ADGRL2: variants seen among roughly 807,000 people sequenced by gnomAD.
The protein encoded by ADGRL2 is calcium-independent alpha-latrotoxin receptor 2.
Under a neutral mutation model 157.4 loss-of-function variants are expected in ADGRL2, and 44 were observed. The observed-to-expected ratio is 0.28, with a 90% CI of 0.22 to 0.36. The LOEUF is 0.36. Ranked by LOEUF, ADGRL2 falls within the 10% of genes least tolerant of loss-of-function variation. The pLI, the probability that ADGRL2 is intolerant of heterozygous loss-of-function variation, is 1.00. For synonymous variants in ADGRL2, 585 were observed against 624.7 expected (o/e 0.94, Z 0.95); for missense variants, 1,510 against 1,768.9 (o/e 0.85, Z 2.63).
intron 3 of ADGRL2, among the ~76,000 whole-genome samples, chr1:81,683,185 C>T (rs1051778157): frequency 6.6e-6 from 1 of 152,112 alleles, no homozygotes; most frequent in Non-Finnish European, 1.5e-5. Context: ...TCTGAATAGA[C>T]ATGAATGTGC....
At chr1:81,681,750 C>T (rs1278330562) in intron 3 of ADGRL2, among the ~76,000 whole-genome samples, 1 of 152,160 alleles carries the variant, frequency 6.6e-6, no homozygotes, top group Non-Finnish European at 1.5e-5. Context: ...GCAACAGCAG[C>T]AAAGCAGGTG....
chr1:81,526,414 T>C (rs1205597265), intron 2 of ADGRL2, among the ~76,000 whole-genome samples: 1 of 152,214 alleles, frequency 6.6e-6, no homozygotes, highest in Non-Finnish European at 1.5e-5. Context: ...CAAATTCATG[T>C]CAATATTATA....
At chr1:81,401,942 G>A (rs917086700) in intron 1 of ADGRL2, among the ~76,000 whole-genome samples, 18 of 152,116 alleles carry the variant, frequency 1.2e-4, no homozygotes, top group Non-Finnish European at 2.5e-4. Flanking sequence ...AGAAAATAAT[G>A]AGAATAAAGA....
chr1:81,740,333 C>T (rs543388047), intron 1 of ADGRL2, among the ~76,000 whole-genome samples: 1 of 152,274 alleles, frequency 6.6e-6, no homozygotes, highest in East Asian at 1.9e-4. Context: ...GGACAGAGCA[C>T]AGTAAGTTTC....
intron 2 of ADGRL2, among the ~76,000 whole-genome samples, chr1:81,544,035 C>G (rs1308352266): frequency 1.3e-5 from 2 of 152,104 alleles, no homozygotes; most frequent in Non-Finnish European, 2.9e-5. Flanking sequence ...CTCAGTGGGA[C>G]CCGCTCTCAC....
chr1:81,380,487 A>G (rs1161408230), intron 1 of ADGRL2, among the ~76,000 whole-genome samples: 2 of 152,168 alleles, frequency 1.3e-5, no homozygotes, highest in African/African-American at 4.8e-5. Flanking sequence ...TTGTTTAACA[A>G]TGGTTTGATT....
intron 1 of ADGRL2, among the ~76,000 whole-genome samples, chr1:81,832,472 G>A (rs1246382175): frequency 6.6e-6 from 1 of 152,114 alleles, no homozygotes; most frequent in African/African-American, 2.4e-5. Context: ...GAGTCCTCAG[G>A]CAGTTTTTTT....
intron 2 of ADGRL2, among the ~76,000 whole-genome samples, chr1:81,790,143 A>G (rs2087262108): frequency 6.6e-6 from 1 of 152,154 alleles, no homozygotes; most frequent in South Asian, 2.1e-4. Flanking sequence ...ATAAGGGAGA[A>G]GAGTGTTCTA....
intron 1 of ADGRL2, among the ~76,000 whole-genome samples, chr1:81,368,370 C>G (rs930933664): frequency 2.0e-5 from 3 of 152,142 alleles, no homozygotes; most frequent in Non-Finnish European, 4.4e-5. Flanking sequence ...TAACTCTTAA[C>G]TGGCTTTCCT....
chr1:81,649,263 A>G (rs578228788), intron 3 of ADGRL2, among the ~76,000 whole-genome samples: 1 of 152,300 alleles, frequency 6.6e-6, no homozygotes, highest in African/African-American at 2.4e-5. Flanking sequence ...AAAGTGTACC[A>G]AAAACCTTTT....
At chr1:81,568,329 T>A (rs924465161) in intron 2 of ADGRL2, among the ~76,000 whole-genome samples, 1 of 152,144 alleles carries the variant, frequency 6.6e-6, no homozygotes, top group Non-Finnish European at 1.5e-5. Flanking sequence ...TATATTCTTT[T>A]TCTCTTTTTA....
intron 1 of ADGRL2, among the ~76,000 whole-genome samples, chr1:81,333,855 T>G (rs187608963): frequency 6.6e-6 from 1 of 152,262 alleles, no homozygotes; most frequent in African/African-American, 2.4e-5. Flanking sequence ...ATGAGATTGC[T>G]ATGATGCAGT....
intron 2 of ADGRL2, among the ~76,000 whole-genome samples, chr1:81,534,363 T>G (rs2079681174): frequency 6.6e-6 from 1 of 152,168 alleles, no homozygotes; most frequent in Non-Finnish European, 1.5e-5. Flanking sequence ...GGTTTCACCA[T>G]GTTGGCCAGA....
chr1:81,489,069 C>G (rs978269290), intron 2 of ADGRL2, among the ~76,000 whole-genome samples: 8 of 151,964 alleles, frequency 5.3e-5, no homozygotes, highest in African/African-American at 1.7e-4. Context: ...GAAACCCTGT[C>G]TCTACTAAAA....
At chr1:81,762,040 A>C (rs2085898687) in intron 2 of ADGRL2, among the ~76,000 whole-genome samples, 1 of 152,164 alleles carries the variant, frequency 6.6e-6, no homozygotes, top group African/African-American at 2.4e-5. Flanking sequence ...AATGTTCACC[A>C]AATATACTAC....
chr1:81,649,633 A>T (rs924212522), intron 3 of ADGRL2, among the ~76,000 whole-genome samples: 2 of 152,226 alleles, frequency 1.3e-5, no homozygotes, highest in African/African-American at 4.8e-5. Flanking sequence ...GCTAACAGTT[A>T]ACCCTTTCTG....
At chr1:81,568,544 T>C (rs2080614155) in intron 2 of ADGRL2, among the ~76,000 whole-genome samples, 1 of 152,154 alleles carries the variant, frequency 6.6e-6, no homozygotes, top group African/African-American at 2.4e-5. Flanking sequence ...TACCCTTTTA[T>C]TATTTAACCT....
intron 2 of ADGRL2, among the ~76,000 whole-genome samples, chr1:81,845,349 G>A (rs769253953): frequency 2.0e-5 from 3 of 151,846 alleles, no homozygotes; most frequent in Non-Finnish European, 2.9e-5. Flanking sequence ...GTTATTTCCC[G>A]AGGATAGAAT....
At chr1:81,480,119 G>A (rs1302204214) in intron 2 of ADGRL2, among the ~76,000 whole-genome samples, 1 of 152,164 alleles carries the variant, frequency 6.6e-6, no homozygotes, top group Non-Finnish European at 1.5e-5. Flanking sequence ...ACCAGCTAAA[G>A]ATTCTTCAAC....
Sources: allele counts gnomAD v4.1 joint callset (sites outside exome capture counted in the v4.1 genomes callset), GRCh38; gene constraint gnomAD v4.1.1; transcripts MANE v1.5; gene names NCBI Gene and HGNC (gene_info 2026-07-23, HGNC 2026-07-21).